The following CTNNA3 variants were observed in gnomAD, a reference collection of about 807,000 sequenced individuals.
CTNNA3 encodes catenin alpha-3.
CTNNA3 carries 76 observed loss-of-function variants against 95.7 expected under a neutral mutation model. The observed-to-expected ratio is 0.79, with a 90% CI of 0.66 to 0.96. The LOEUF (loss-of-function observed/expected upper bound fraction) is 0.96. Among genes scored for constraint, CTNNA3 ranks in the 40% least tolerant of loss-of-function variants. The probability of loss-of-function intolerance (pLI) is 0.00; values close to 1 mark genes in which losing one functional copy is unlikely to be tolerated. For missense variants in CTNNA3, 1,191 were observed against 1,089.8 expected, an observed-to-expected ratio of 1.09 and a Z score of -1.31; for synonymous variants, 431 against 374.4, an observed-to-expected ratio of 1.15 and a Z score of -1.74.
chr10:66,184,762 A>G (rs2086241958), intron 13 of CTNNA3, among the ~76,000 whole-genome samples: 1 of 152,176 alleles, frequency 6.6e-6, no homozygotes, highest in Admixed American at 6.5e-5. Flanking sequence ...CATCCTGTCA[A>G]ATCAAACCTC....
chr10:66,876,085 G>A (rs975866936), intron 7 of CTNNA3, among the ~76,000 whole-genome samples: 1 of 152,068 alleles, frequency 6.6e-6, no homozygotes, highest in Non-Finnish European at 1.5e-5. Flanking sequence ...ATAAATATCT[G>A]CCTTCTTCCA....
At chr10:67,425,893 C>T (rs1299669056) in intron 5 of CTNNA3, among the ~76,000 whole-genome samples, 1 of 152,058 alleles carries the variant, frequency 6.6e-6, no homozygotes, top group Non-Finnish European at 1.5e-5. Flanking sequence ...ACCTCATATA[C>T]TCCTCCATGC....
intron 7 of CTNNA3, among the ~76,000 whole-genome samples, chr10:66,879,262 G>T (rs370357014): frequency 2.7e-4 from 41 of 152,070 alleles, no homozygotes; most frequent in East Asian, 1.7e-3. Context: ...CCATGAACTT[G>T]CCTGGGCCAT....
chr10:66,236,506 T>A (rs1466614969), intron 13 of CTNNA3, among the ~76,000 whole-genome samples: 1 of 152,172 alleles, frequency 6.6e-6, no homozygotes, highest in East Asian at 1.9e-4. Context: ...TTAGAGGGAA[T>A]GTCACCTGTC....
At chr10:67,358,443 A>C (rs367556314) in intron 5 of CTNNA3, among the ~76,000 whole-genome samples, 2 of 152,140 alleles carry the variant, frequency 1.3e-5, no homozygotes, top group Admixed American at 6.5e-5. Context: ...TTGAGAGAAA[A>C]CATTAAAAGT....
At chr10:66,452,059 G>A (rs1300232632) in intron 11 of CTNNA3, among the ~76,000 whole-genome samples, 1 of 152,076 alleles carries the variant, frequency 6.6e-6, no homozygotes, top group Non-Finnish European at 1.5e-5. Flanking sequence ...AAAGCCTTTG[G>A]TTACCTAGTT....
At chr10:67,236,656 TATAATA>T in intron 5 of CTNNA3, among the ~76,000 whole-genome samples, 2 of 150,636 alleles carry the variant, frequency 1.3e-5, no homozygotes, top group South Asian at 4.2e-4. Context: ...AACCTTAAAG[TATAATA>T]ATAATAAATA....
intron 10 of CTNNA3, among the ~76,000 whole-genome samples, chr10:66,616,656 A>G (rs1212999741): frequency 6.6e-6 from 1 of 152,086 alleles, no homozygotes; most frequent in Non-Finnish European, 1.5e-5. Context: ...ACACAGTAAG[A>G]ACCAGAACAA....
intron 7 of CTNNA3, among the ~76,000 whole-genome samples, chr10:66,857,448 GT>G (rs1843727072): frequency 6.6e-6 from 1 of 151,646 alleles, no homozygotes; most frequent in South Asian, 2.1e-4. Flanking sequence ...TGTGAAGAAT[GT>G]TTTTGGTAGT....
chr10:66,205,454 C>A (rs1157637256), intron 13 of CTNNA3, among the ~76,000 whole-genome samples: 1 of 151,908 alleles, frequency 6.6e-6, no homozygotes, highest in East Asian at 1.9e-4. Flanking sequence ...GTGGATTGAG[C>A]AGATTATGGA....
chr10:66,479,277 G>A (rs572910198), intron 11 of CTNNA3, among the ~76,000 whole-genome samples: 1 of 147,952 alleles, frequency 6.8e-6, no homozygotes, highest in African/African-American at 2.5e-5. Context: ...CAATTTGTAT[G>A]CCAGTACCAC....
intron 1 of CTNNA3, among the ~76,000 whole-genome samples, chr10:67,689,609 G>C (rs1840802641): frequency 6.6e-6 from 1 of 152,114 alleles, no homozygotes; most frequent in Non-Finnish European, 1.5e-5. Flanking sequence ...ACATGATTTT[G>C]AGAGTTCCAC....
intron 17 of CTNNA3, among the ~76,000 whole-genome samples, chr10:65,957,351 A>G (rs1246580925): frequency 2.0e-5 from 3 of 152,124 alleles, no homozygotes; most frequent in Non-Finnish European, 4.4e-5. Context: ...CCAATTTGCC[A>G]GTCTGTGTCT....
intron 1 of CTNNA3, among the ~76,000 whole-genome samples, chr10:67,685,222 G>T (rs187690530): frequency 6.6e-6 from 1 of 152,316 alleles, no homozygotes; most frequent in Non-Finnish European, 1.5e-5. Flanking sequence ...GTAAGTTTGG[G>T]ATTTTAATTA....
At chr10:65,984,781 TA>T (rs1409815051) in intron 16 of CTNNA3, among the ~76,000 whole-genome samples, 1 of 151,290 alleles carries the variant, frequency 6.6e-6, no homozygotes, top group East Asian at 1.9e-4. Context: ...ATTCAGTATT[TA>T]AAAAGTTATT....
intron 7 of CTNNA3, among the ~76,000 whole-genome samples, chr10:67,109,400 C>T (rs1034733690): frequency 6.6e-6 from 1 of 152,144 alleles, no homozygotes; most frequent in African/African-American, 2.4e-5. Flanking sequence ...TATGAGAATA[C>T]CATTACTCTC....
At chr10:66,917,777 C>G (rs1298538927) in intron 7 of CTNNA3, among the ~76,000 whole-genome samples, 1 of 152,130 alleles carries the variant, frequency 6.6e-6, no homozygotes, top group Admixed American at 6.5e-5. Context: ...ATGAAATTTT[C>G]TTCAAAAACT....
At chr10:67,311,706 G>A (rs1234007513) in intron 5 of CTNNA3, among the ~76,000 whole-genome samples, 1 of 152,060 alleles carries the variant, frequency 6.6e-6, no homozygotes, top group African/African-American at 2.4e-5. Flanking sequence ...ATAGAAGAAA[G>A]AGAACACCAA....
intron 7 of CTNNA3, among the ~76,000 whole-genome samples, chr10:66,929,360 C>A (rs190451502): frequency 7.9e-5 from 12 of 152,296 alleles, no homozygotes; most frequent in African/African-American, 2.9e-4. Flanking sequence ...TGAGAGCTTA[C>A]CAGAATTTCT....
Sources: gnomAD v4.1 joint callset for allele counts (sites outside exome capture counted in the v4.1 genomes callset) on GRCh38, gnomAD v4.1.1 for gene constraint, MANE v1.5 for transcripts, NCBI Gene and HGNC (gene_info 2026-07-23, HGNC 2026-07-21) for gene names.